The following LINGO2 variants were observed in gnomAD, a reference collection of about 807,000 sequenced individuals.
The protein encoded by LINGO2 is leucine rich repeat and Ig domain containing 2, also known as leucine-rich repeat and immunoglobulin-like domain-containing nogo receptor-interacting protein 2.
LINGO2 carries 14 observed loss-of-function variants against 30.6 expected under a neutral mutation model. The observed-to-expected ratio is 0.46, with a 90% CI of 0.30 to 0.72. The LOEUF is 0.72. Among genes scored for constraint, LINGO2 ranks in the 30% least tolerant of loss-of-function variants. The pLI is 0.07. For synonymous variants in LINGO2, 317 were observed against 288.5 expected (o/e 1.10, Z -1.00); for missense variants, 729 against 751.7 (o/e 0.97, Z 0.35).
the LINGO2 span, among the ~76,000 whole-genome samples, chr9:28,903,049 G>A: frequency 6.6e-6 from 1 of 150,684 alleles, no homozygotes; most frequent in Non-Finnish European, 1.5e-5. Flanking sequence ...ATAAAATATA[G>A]ACTAGAAAAA....
intron 1 of LINGO2, among the ~76,000 whole-genome samples, chr9:28,590,986 C>G (rs540916156): frequency 6.6e-6 from 1 of 151,954 alleles, no homozygotes; most frequent in South Asian, 2.1e-4. Flanking sequence ...CCATAAAAAA[C>G]GATGAGTTCA....
At chr9:28,001,679 A>G (rs1563899687) in intron 5 of LINGO2, among the ~76,000 whole-genome samples, 1 of 149,980 alleles carries the variant, frequency 6.7e-6, no homozygotes, top group African/African-American at 2.4e-5. Flanking sequence ...TTTAAAGCAG[A>G]GAAGAGAAAG....
At position 28,319,534 on chromosome 9, in the gene LINGO2, A is replaced by C. The variant is rs544311966; in HGVS notation, c.-245-24168T>G. Among the ~76,000 whole-genome samples, 11 of 152,256 alleles carry C rather than the reference A, an allele frequency of 7.2e-5. No individual in the cohort carries two copies. In the South Asian group the frequency reaches 2.3e-3, roughly 32 times the overall value. On this transcript the variant is annotated intron_variant, in intron 3 of 5. Coordinates refer to ENST00000379992, the Ensembl canonical transcript of LINGO2. Reference sequence around the variant, plus strand: ...TTGGGGGGCTGTTATTATTCTTCCTACCACAACCCCTCAGCAACATACTTA... The same window carrying C: ...TTGGGGGGCTGTTATTATTCTTCCTCCCACAACCCCTCAGCAACATACTTA...
chr9:28,947,304 T>C, the LINGO2 span, among the ~76,000 whole-genome samples: 1 of 152,094 alleles, frequency 6.6e-6, no homozygotes, highest in Non-Finnish European at 1.5e-5. Context: ...ATATTTTAAA[T>C]ATTCATCCAA....
chr9:29,057,385 TAAAA>T, the LINGO2 span, among the ~76,000 whole-genome samples: 2 of 152,088 alleles, frequency 1.3e-5, no homozygotes, highest in African/African-American at 4.8e-5. Flanking sequence ...TGTCAATAAA[TAAAA>T]AAATAGGCAA....
At chr9:28,845,669 T>TTA in the LINGO2 span, among the ~76,000 whole-genome samples, 1 of 151,762 alleles carries the variant, frequency 6.6e-6, no homozygotes, top group East Asian at 1.9e-4. Context: ...ATTTAATAGT[T>TTA]TATATATATA....
intron 2 of LINGO2, among the ~76,000 whole-genome samples, chr9:28,475,504 G>C (rs576211203): frequency 6.6e-6 from 1 of 152,222 alleles, no homozygotes; most frequent in African/African-American, 2.4e-5. Flanking sequence ...AGGTGAGGTT[G>C]AAATAATACA....
chr9:27,973,222 A>C (rs77799985), intron 5 of LINGO2, among the ~76,000 whole-genome samples: 1,835 of 152,292 alleles, frequency 0.012, 39 homozygotes, highest in African/African-American at 0.041. Flanking sequence ...AATTCTGACT[A>C]AAACAGACAC....
chr9:28,844,109 C>T, the LINGO2 span, among the ~76,000 whole-genome samples: 5 of 151,944 alleles, frequency 3.3e-5, 1 homozygote, highest in South Asian at 8.3e-4. Flanking sequence ...TGACCGTAAT[C>T]TCAGCACTTT....
chr9:29,080,142 G>A, the LINGO2 span, among the ~76,000 whole-genome samples: 2 of 152,000 alleles, frequency 1.3e-5, no homozygotes, highest in Non-Finnish European at 2.9e-5. Flanking sequence ...GGTCTACTCA[G>A]GGATTCAACT....
chr9:28,300,815 A>T (rs1357114125), intron 3 of LINGO2, among the ~76,000 whole-genome samples: 1 of 151,546 alleles, frequency 6.6e-6, no homozygotes, highest in Non-Finnish European at 1.5e-5. Flanking sequence ...ATAGTCTAGT[A>T]GTGTGAACGG....
the LINGO2 span, among the ~76,000 whole-genome samples, chr9:28,886,358 T>C: frequency 6.6e-6 from 1 of 152,104 alleles, no homozygotes; most frequent in African/African-American, 2.4e-5. Context: ...CAAGCTTTTA[T>C]GGAAGGTCTA....
chr9:27,997,742 T>A (rs1195738602), intron 5 of LINGO2, among the ~76,000 whole-genome samples: 1 of 152,238 alleles, frequency 6.6e-6, no homozygotes, highest in Non-Finnish European at 1.5e-5. Context: ...GTCTGTGAAC[T>A]ACTGATAATC....
At chr9:28,014,810 C>T (rs956707432) in intron 4 of LINGO2, among the ~76,000 whole-genome samples, 1 of 151,974 alleles carries the variant, frequency 6.6e-6, no homozygotes, top group Non-Finnish European at 1.5e-5. Context: ...ATATGTTAGT[C>T]CTCATAGAAC....
chr9:29,044,775 G>A, the LINGO2 span, among the ~76,000 whole-genome samples: 1 of 152,018 alleles, frequency 6.6e-6, no homozygotes, highest in Non-Finnish European at 1.5e-5. Context: ...AAGACCCCCA[G>A]TGGACACTTG....
the LINGO2 span, among the ~76,000 whole-genome samples, chr9:28,988,772 C>A: frequency 6.6e-6 from 1 of 152,214 alleles, no homozygotes; most frequent in Non-Finnish European, 1.5e-5. Context: ...CTTCATCTGG[C>A]ATCGTGCCTA....
At chr9:28,572,989 T>C (rs1481475539) in intron 1 of LINGO2, among the ~76,000 whole-genome samples, 4 of 152,140 alleles carry the variant, frequency 2.6e-5, no homozygotes, top group Non-Finnish European at 5.9e-5. Context: ...TGGCATTTAA[T>C]CTTATTATGC....
intron 4 of LINGO2, among the ~76,000 whole-genome samples, chr9:28,042,125 T>C (rs1311419264): frequency 6.6e-6 from 1 of 152,204 alleles, no homozygotes; most frequent in African/African-American, 2.4e-5. Flanking sequence ...GCACGAAGCT[T>C]AGTACAATTA....
At chr9:28,815,687 G>A in the LINGO2 span, among the ~76,000 whole-genome samples, 11 of 152,064 alleles carry the variant, frequency 7.2e-5, no homozygotes, top group African/African-American at 9.7e-5. Flanking sequence ...CAAGAGTACC[G>A]TGTAAAAAAT....
Sources: gnomAD v4.1 joint callset for allele counts (sites outside exome capture counted in the v4.1 genomes callset) on GRCh38, gnomAD v4.1.1 for gene constraint, MANE v1.5 for transcripts, NCBI Gene and HGNC (gene_info 2026-07-23, HGNC 2026-07-21) for gene names.